RIGI: variants seen among roughly 807,000 people sequenced by gnomAD.
RIGI encodes the protein RNA sensor RIG-I.
At chr9:32,511,132 A>G in the RIGI span, among the ~76,000 whole-genome samples, 1 of 152,168 alleles carries the variant, frequency 6.6e-6, no homozygotes, top group African/African-American at 2.4e-5. Flanking sequence ...CTCCCACACA[A>G]TAATAGTGGG....
chr9:32,511,771 C>CA, the RIGI span, among the ~76,000 whole-genome samples: 4 of 151,900 alleles, frequency 2.6e-5, no homozygotes, highest in African/African-American at 7.2e-5. Flanking sequence ...GAAAACCCTT[C>CA]AAAAAAATCA....
At chr9:32,516,244 T>TA in the RIGI span, among the ~76,000 whole-genome samples, 1 of 152,158 alleles carries the variant, frequency 6.6e-6, no homozygotes, top group Non-Finnish European at 1.5e-5. Context: ...TCTTCCCTGC[T>TA]ATATAAACCC....
chr9:32,526,076 G>A, the RIGI span: 10 of 1,613,674 alleles, frequency 6.2e-6, no homozygotes, highest in Non-Finnish European at 8.5e-6. Context: ...CTAAACCAGG[G>A]GGCCATGTAG....
the RIGI span, chr9:32,472,951 A>G: frequency 6.4e-7 from 1 of 1,556,984 alleles, no homozygotes; most frequent in Non-Finnish European, 8.8e-7. Flanking sequence ...AATCCACTAA[A>G]TCTAATTCAC....
the RIGI span, among the ~76,000 whole-genome samples, chr9:32,466,709 AAAAAAAAAG>A: frequency 8.0e-5 from 12 of 150,522 alleles, no homozygotes; most frequent in African/African-American, 2.4e-4. Flanking sequence ...AAAAAAAAAA[AAAAAAAAAG>A]ACTCAAATGC....
chr9:32,482,552 G>A, the RIGI span, among the ~76,000 whole-genome samples: 1 of 152,086 alleles, frequency 6.6e-6, no homozygotes, highest in African/African-American at 2.4e-5. Flanking sequence ...AGCTTCATCA[G>A]AGGAGGATAT....
At chr9:32,502,746 C>T in the RIGI span, among the ~76,000 whole-genome samples, 5 of 152,184 alleles carry the variant, frequency 3.3e-5, no homozygotes, top group Admixed American at 3.3e-4. Flanking sequence ...TGGCTTGTGA[C>T]AACACTCCCT....
the RIGI span, among the ~76,000 whole-genome samples, chr9:32,504,250 G>A: frequency 6.6e-6 from 1 of 152,138 alleles, no homozygotes; most frequent in Non-Finnish European, 1.5e-5. Context: ...GATGCTGGAT[G>A]TGGGCACGGG....
At chr9:32,489,192 TA>T in the RIGI span, 178 of 547,132 alleles carry the variant, frequency 3.3e-4, no homozygotes, top group East Asian at 5.1e-3. Flanking sequence ...CATAATCCCA[TA>T]AAAAACATTA....
the RIGI span, among the ~76,000 whole-genome samples, chr9:32,486,689 G>A: frequency 5.1e-4 from 78 of 152,128 alleles, 1 homozygote; most frequent in East Asian, 0.014. Flanking sequence ...GAAAGCACAC[G>A]GCATGATTGA....
At chr9:32,508,044 CAT>C in the RIGI span, among the ~76,000 whole-genome samples, 7 of 151,966 alleles carry the variant, frequency 4.6e-5, no homozygotes, top group African/African-American at 1.7e-4. Context: ...AACAACAAAA[CAT>C]ATAAAACCTC....
the RIGI span, among the ~76,000 whole-genome samples, chr9:32,508,009 T>A: frequency 6.6e-6 from 1 of 152,114 alleles, no homozygotes; most frequent in African/African-American, 2.4e-5. Context: ...TAGCTTAAAT[T>A]ACTAGTTTCT....
the RIGI span, among the ~76,000 whole-genome samples, chr9:32,504,038 A>AACACACGCACACACACACAC: frequency 7.4e-6 from 1 of 135,666 alleles, no homozygotes; most frequent in Non-Finnish European, 1.6e-5. Context: ...CAAGACTCCA[A>AACACACGCACACACACACAC]ACACACACAC....
At chr9:32,468,027 C>A in the RIGI span, 2 of 1,156,404 alleles carry the variant, frequency 1.7e-6, no homozygotes, top group Non-Finnish European at 2.4e-6. Flanking sequence ...TATTATATGC[C>A]AAGTACTGTG....
At chr9:32,500,962 C>T in the RIGI span, 5 of 1,611,016 alleles carry the variant, frequency 3.1e-6, no homozygotes. Context: ...GCAAAAATGA[C>T]TCATCAAACT....
chr9:32,459,253 C>T, the RIGI span: 1 of 1,204,560 alleles, frequency 8.3e-7, no homozygotes, highest in Non-Finnish European at 1.2e-6. Flanking sequence ...TTTAAATACA[C>T]AGATCATGGC....
the RIGI span, among the ~76,000 whole-genome samples, chr9:32,525,025 C>T: frequency 1.3e-5 from 2 of 152,224 alleles, no homozygotes; most frequent in Admixed American, 1.3e-4. Context: ...CACTCCCTGG[C>T]GCCAGGCTCC....
the RIGI span, chr9:32,500,671 G>T: frequency 9.4e-7 from 1 of 1,069,138 alleles, no homozygotes; most frequent in Non-Finnish European, 1.3e-6. Flanking sequence ...CCTAAAAACA[G>T]TCTTTACATT....
chr9:32,457,538 T>C, the RIGI span: 2 of 850,514 alleles, frequency 2.4e-6, no homozygotes, highest in Non-Finnish European at 3.4e-6. Context: ...CAGGTGGGTC[T>C]CACTTATTTT....
Sources: allele counts gnomAD v4.1 joint callset (sites outside exome capture counted in the v4.1 genomes callset), GRCh38; gene constraint gnomAD v4.1.1; transcripts MANE v1.5; gene names NCBI Gene and HGNC (gene_info 2026-07-23, HGNC 2026-07-21).